Variants in MYO16 observed in about 807,000 individuals in gnomAD.
MYO16 encodes unconventional myosin-XVI.
Under a neutral mutation model 205.3 loss-of-function variants are expected in MYO16, and 94 were observed. The observed-to-expected ratio is 0.46, with a 90% CI of 0.39 to 0.54. MYO16 has a LOEUF of 0.54. Ranked by LOEUF, MYO16 falls within the 20% of genes least tolerant of loss-of-function variation. MYO16 has a pLI of 0.00. For missense variants in MYO16, 2,315 were observed against 2,387.5 expected (o/e 0.97, Z 0.63); for synonymous variants, 988 against 954.0 (o/e 1.04, Z -0.66).
intron 12 of MYO16, among the ~76,000 whole-genome samples, chr13:108,870,596 G>T (rs372253236): frequency 4.5e-4 from 65 of 145,778 alleles, no homozygotes; most frequent in African/African-American, 1.6e-3. Context: ...TTCTGTGCTA[G>T]TTTTTAATGA....
chr13:108,774,581 G>A lies in MYO16; in HGVS notation c.508-11054G>A, dbSNP rs557803771. Reference sequence around the variant, plus strand: ...ATTTTTTTTTTCGGAGCCAAACTTAGAGACGTGCCTTACAGTCTATGTTGT... The same window carrying A: ...ATTTTTTTTTTCGGAGCCAAACTTAAAGACGTGCCTTACAGTCTATGTTGT... On this transcript the variant is annotated intron_variant, in intron 4 of 34. Coordinates refer to ENST00000457511, the MANE Select transcript of MYO16 (RefSeq NM_001198950.3). 5.3e-5 allele frequency among the ~76,000 whole-genome samples: 8 copies of A among 152,200 alleles called. No individual in the cohort carries two copies. In the South Asian group the frequency reaches 1.7e-3, roughly 32 times the overall value.
At chr13:108,796,126 A>G (rs535497588) in intron 6 of MYO16, among the ~76,000 whole-genome samples, 2 of 152,308 alleles carry the variant, frequency 1.3e-5, no homozygotes, top group East Asian at 1.9e-4. Context: ...TTATGGGCCT[A>G]TATGAGGACC....
At chr13:108,803,607 A>T (rs1887028377) in intron 6 of MYO16, among the ~76,000 whole-genome samples, 1 of 152,180 alleles carries the variant, frequency 6.6e-6, no homozygotes, top group Admixed American at 6.6e-5. Flanking sequence ...CCAGGCCTAC[A>T]TCACACTGGA....
chr13:109,162,000 A>T (rs1439982816), intron 32 of MYO16, among the ~76,000 whole-genome samples: 2 of 152,114 alleles, frequency 1.3e-5, no homozygotes, highest in African/African-American at 4.8e-5. Flanking sequence ...GAGGCAGGAG[A>T]ATCTCCCAGG....
intron 16 of MYO16, among the ~76,000 whole-genome samples, chr13:108,936,171 C>CTCTT (rs1331618043): frequency 2.1e-5 from 3 of 145,372 alleles, no homozygotes; most frequent in African/African-American, 5.1e-5. Flanking sequence ...CTCTCTCTTT[C>CTCTT]TCTTTCTTTC....
At chr13:108,680,549 G>A (rs1021174819) in intron 2 of MYO16, among the ~76,000 whole-genome samples, 30 of 152,198 alleles carry the variant, frequency 2.0e-4, no homozygotes, top group African/African-American at 6.5e-4. Context: ...TCCACATAGA[G>A]AGAGAAGCAA....
chr13:108,960,711 A>G (rs995630683), intron 17 of MYO16, among the ~76,000 whole-genome samples: 9 of 152,206 alleles, frequency 5.9e-5, no homozygotes, highest in Admixed American at 1.3e-4. Flanking sequence ...ACGGGGCTCA[A>G]CCTGTTTTAC....
chr13:109,071,731 G>A (rs1211996552), intron 27 of MYO16, among the ~76,000 whole-genome samples: 1 of 151,884 alleles, frequency 6.6e-6, no homozygotes, highest in African/African-American at 2.4e-5. Context: ...AATTAACGAT[G>A]ACCTACACAT....
intron 33 of MYO16, among the ~76,000 whole-genome samples, chr13:109,165,606 C>T (rs531782212): frequency 2.0e-5 from 3 of 152,218 alleles, no homozygotes; most frequent in East Asian, 1.9e-4. Context: ...GAGGGCCTCC[C>T]GCAGGGCTGG....
intron 1 of MYO16, among the ~76,000 whole-genome samples, chr13:108,597,742 C>T (rs1292445512): frequency 6.6e-6 from 1 of 152,006 alleles, no homozygotes; most frequent in African/African-American, 2.4e-5. Context: ...TACAAAATTG[C>T]CTGTGTGTGA....
intron 27 of MYO16, among the ~76,000 whole-genome samples, chr13:109,096,631 G>A (rs1270928824): frequency 1.3e-5 from 2 of 152,126 alleles, no homozygotes; most frequent in African/African-American, 2.4e-5. Context: ...CAAGAAATGC[G>A]ACTTACCATC....
intron 16 of MYO16, among the ~76,000 whole-genome samples, chr13:108,920,720 A>C (rs1469982985): frequency 1.3e-5 from 2 of 152,148 alleles, no homozygotes; most frequent in Admixed American, 6.5e-5. Flanking sequence ...TGGCCTCCCA[A>C]AGTGCTGAGA....
intron 9 of MYO16, among the ~76,000 whole-genome samples, chr13:108,830,814 AAGC>A (rs1433373134): frequency 2.6e-5 from 4 of 152,194 alleles, no homozygotes; most frequent in Non-Finnish European, 1.5e-5. Context: ...TATTTTATAA[AAGC>A]AGGAAAAAAA....
rs536284596 is a variant in MYO16 at position 108,629,635 on chromosome 13, G to A, written c.-210G>A. 9.7e-6 allele frequency: 5 copies of A among 513,466 alleles called. No homozygotes were observed. The highest frequency in any genetic ancestry group is 6.2e-5 in the South Asian group (2 of 32,050). The allele number at this position is 513,466 out of a possible 1,614,324, so 31.8% of individuals were successfully genotyped here. A position where few individuals can be genotyped will look rare whatever the true frequency, so the allele number is the denominator to read the frequency against. On this transcript the variant is annotated 5_prime_UTR_variant, in exon 1 of 35. Coordinates refer to ENST00000457511, the MANE Select transcript of MYO16 (RefSeq NM_001198950.3). ...CACCAGTGGTGCCTCAAGACCCACC[G>A]GGGAGAGGCTTATCTTAACTCCAGC...
At chr13:108,562,340 A>C in the MYO16 span, among the ~76,000 whole-genome samples, 1 of 152,180 alleles carries the variant, frequency 6.6e-6, no homozygotes, top group South Asian at 2.1e-4. Flanking sequence ...CATTGGGGTT[A>C]GTATTTCAAC....
At chr13:108,762,159 C>T (rs539905019) in intron 4 of MYO16, among the ~76,000 whole-genome samples, 45 of 152,154 alleles carry the variant, frequency 3.0e-4, no homozygotes, top group African/African-American at 1.1e-3. Context: ...TCCGTGTTGC[C>T]GCAAAAGACA....
intron 21 of MYO16, among the ~76,000 whole-genome samples, chr13:109,004,864 C>G (rs1163764309): frequency 6.6e-6 from 1 of 152,194 alleles, no homozygotes; most frequent in African/African-American, 2.4e-5. Flanking sequence ...ATATTCAAAT[C>G]GTATTTGCCT....
At chr13:108,958,117 T>C (rs1883446634) in intron 17 of MYO16, among the ~76,000 whole-genome samples, 2 of 147,932 alleles carry the variant, frequency 1.4e-5, no homozygotes, top group Admixed American at 6.8e-5. Flanking sequence ...ATGAATATAA[T>C]ATATACATTA....
intron 10 of MYO16, among the ~76,000 whole-genome samples, chr13:108,848,569 G>A (rs1434550723): frequency 1.3e-5 from 2 of 152,160 alleles, no homozygotes; most frequent in Non-Finnish European, 2.9e-5. Flanking sequence ...TAGAGGCCAA[G>A]GTGGGAGGAT....
Sources: gnomAD v4.1 joint callset for allele counts (sites outside exome capture counted in the v4.1 genomes callset) on GRCh38, gnomAD v4.1.1 for gene constraint, MANE v1.5 for transcripts, NCBI Gene and HGNC (gene_info 2026-07-23, HGNC 2026-07-21) for gene names.